Variants in CDH13 observed in about 807,000 individuals in gnomAD.
The protein encoded by CDH13 is cadherin 13.
Under a neutral mutation model 63.8 loss-of-function variants are expected in CDH13, and 24 were observed. The observed-to-expected ratio is 0.38, with a 90% CI of 0.27 to 0.53. CDH13 has a LOEUF of 0.53. CDH13 is among the 20% of genes least tolerant of loss of function. The probability of loss-of-function intolerance (pLI) is 0.85; values close to 1 mark genes in which losing one functional copy is unlikely to be tolerated. For missense variants in CDH13, 1,049 were observed against 903.1 expected (o/e 1.16, Z -2.07); for synonymous variants, 503 against 355.3 (o/e 1.42, Z -4.67).
chr16:82,906,830 C>T (rs2041662781), intron 2 of CDH13, among the ~76,000 whole-genome samples: 1 of 152,148 alleles, frequency 6.6e-6, no homozygotes, highest in Non-Finnish European at 1.5e-5. Context: ...TCTTGCCAAC[C>T]TCTGCTTCCA....
chr16:82,838,476 G>A (rs888081689), intron 1 of CDH13, among the ~76,000 whole-genome samples: 2 of 152,182 alleles, frequency 1.3e-5, no homozygotes, highest in African/African-American at 4.8e-5. Context: ...TTGACTTAAA[G>A]TATTGTCTTT....
At chr16:83,173,626 G>A (rs554015635) in intron 4 of CDH13, among the ~76,000 whole-genome samples, 2 of 152,220 alleles carry the variant, frequency 1.3e-5, no homozygotes, top group South Asian at 4.2e-4. Context: ...TTGTTTATCT[G>A]AAATTCTAAT....
At chr16:82,663,693 T>C (rs1341521360) in intron 1 of CDH13, among the ~76,000 whole-genome samples, 1 of 152,198 alleles carries the variant, frequency 6.6e-6, no homozygotes, top group Non-Finnish European at 1.5e-5. Flanking sequence ...AAGATCCGTA[T>C]GCTTTTTTCC....
intron 6 of CDH13, among the ~76,000 whole-genome samples, chr16:83,399,424 T>C (rs1413391737): frequency 2.0e-5 from 3 of 152,208 alleles, no homozygotes; most frequent in Admixed American, 1.3e-4. Flanking sequence ...GTCCAAAGTG[T>C]ATTTGCTTAC....
At position 82,876,871 on chromosome 16, in the gene CDH13, G is replaced by A. The variant is rs551512290; in HGVS notation, c.157+18398G>A. ...GGAGAGGTAGCCCAAACAAGGGGAG[G>A]ACTTGGGCAGTGCTGAGCTCTGACC... On this transcript the variant is annotated intron_variant, in intron 2 of 13. Coordinates refer to ENST00000567109, the MANE Select transcript of CDH13 (RefSeq NM_001257.5). Among the ~76,000 whole-genome samples, 3 of 152,282 alleles carry A rather than the reference G, an allele frequency of 2.0e-5. No homozygotes were observed. In the South Asian group the frequency reaches 6.2e-4, roughly 32 times the overall value.
intron 4 of CDH13, among the ~76,000 whole-genome samples, chr16:83,139,277 C>T (rs937851559): frequency 6.6e-6 from 1 of 152,200 alleles, no homozygotes; most frequent in South Asian, 2.1e-4. Context: ...TTCCCAGTGT[C>T]CCTGACTCAT....
chr16:83,289,278 C>T (rs967355905), intron 5 of CDH13, among the ~76,000 whole-genome samples: 1 of 152,198 alleles, frequency 6.6e-6, no homozygotes, highest in Non-Finnish European at 1.5e-5. Flanking sequence ...GTAACACCAG[C>T]TTCACTACCC....
intron 7 of CDH13, among the ~76,000 whole-genome samples, chr16:83,586,428 C>T (rs1906164124): frequency 6.6e-6 from 1 of 152,174 alleles, no homozygotes; most frequent in South Asian, 2.1e-4. Context: ...AGGAGCCCTC[C>T]AAGGGCTTGT....
intron 6 of CDH13, among the ~76,000 whole-genome samples, chr16:83,349,753 A>G (rs2090912855): frequency 6.6e-6 from 1 of 152,082 alleles, no homozygotes; most frequent in South Asian, 2.1e-4. Flanking sequence ...GACACCTGCC[A>G]CCACGCCCAG....
chr16:82,989,900 C>T (rs570080592), intron 2 of CDH13, among the ~76,000 whole-genome samples: 15 of 152,236 alleles, frequency 9.9e-5, no homozygotes, highest in African/African-American at 3.6e-4. Flanking sequence ...TCTAGCCCCA[C>T]GTCTCCGTTC....
At chr16:83,284,077 AAC>A (rs1463652309) in intron 5 of CDH13, among the ~76,000 whole-genome samples, 1 of 152,192 alleles carries the variant, frequency 6.6e-6, no homozygotes, top group Non-Finnish European at 1.5e-5. Flanking sequence ...TGTGTTATCA[AAC>A]ACAGTAGTTA....
At chr16:82,922,956 G>T (rs567266042) in intron 2 of CDH13, among the ~76,000 whole-genome samples, 1 of 152,162 alleles carries the variant, frequency 6.6e-6, no homozygotes, top group South Asian at 2.1e-4. Flanking sequence ...CATATTTTTT[G>T]TATCCCAGTG....
chr16:83,587,013 G>A (rs540734164), intron 7 of CDH13, among the ~76,000 whole-genome samples: 40 of 152,284 alleles, frequency 2.6e-4, no homozygotes, highest in African/African-American at 9.6e-4. Flanking sequence ...GTCATTTGCT[G>A]ATTTATTACT....
At chr16:83,605,410 G>T (rs544695810) in intron 8 of CDH13, among the ~76,000 whole-genome samples, 2 of 152,198 alleles carry the variant, frequency 1.3e-5, no homozygotes, top group African/African-American at 4.8e-5. Flanking sequence ...TAACACTGCT[G>T]GGGGTAATGT....
At chr16:83,173,064 T>C (rs2037990153) in intron 4 of CDH13, among the ~76,000 whole-genome samples, 1 of 152,150 alleles carries the variant, frequency 6.6e-6, no homozygotes, top group African/African-American at 2.4e-5. Flanking sequence ...AATGTGACTA[T>C]TTAAACTAAT....
chr16:82,817,421 A>C (rs1473405253), intron 1 of CDH13, among the ~76,000 whole-genome samples: 1 of 152,158 alleles, frequency 6.6e-6, no homozygotes, highest in Non-Finnish European at 1.5e-5. Flanking sequence ...AGTTACCTCC[A>C]AGGAGAAGGG....
At chr16:83,294,602 A>ATG (rs931696658) in intron 5 of CDH13, among the ~76,000 whole-genome samples, 63 of 147,100 alleles carry the variant, frequency 4.3e-4, no homozygotes, top group African/African-American at 9.9e-4. Context: ...ATATATGTGT[A>ATG]TGTGTGTGTG....
rs1462421796 is a variant in CDH13 at position 83,000,221 on chromosome 16, TTA to T, written c.158-31787_158-31786del. 1.4e-3 allele frequency among the ~76,000 whole-genome samples: 109 copies of T among 79,688 alleles called. 3 individuals are homozygous for T. Among genetic ancestry groups the T allele is most frequent in the African/African-American group, 3.2e-3 (52 of 16,438 alleles). The allele number at this position is 79,688 out of a possible 152,430, so 52.3% of individuals were successfully genotyped here. On this transcript the variant is annotated intron_variant, in intron 2 of 13. Transcript: ENST00000567109. Reference sequence around the variant, plus strand: ...CCCTAGGAATATCCACAGGTTTAGCTTATTTTTTTTTTTTTTTTTTTTTTTTT... The same window carrying T: ...CCCTAGGAATATCCACAGGTTTAGCTTTTTTTTTTTTTTTTTTTTTTTTTT...
intron 5 of CDH13, among the ~76,000 whole-genome samples, chr16:83,322,014 G>T (rs2090239124): frequency 6.6e-6 from 1 of 152,202 alleles, no homozygotes; most frequent in Non-Finnish European, 1.5e-5. Context: ...GCTGTGCAAG[G>T]CCACTGGAGA....
Sources: allele counts gnomAD v4.1 joint callset (sites outside exome capture counted in the v4.1 genomes callset), GRCh38; gene constraint gnomAD v4.1.1; transcripts MANE v1.5; gene names NCBI Gene and HGNC (gene_info 2026-07-23, HGNC 2026-07-21).